Variants in UBXN8 observed in about 807,000 individuals in gnomAD.
UBXN8 encodes the protein UBX domain protein 8.
In UBXN8, 27 loss-of-function variants were observed where a neutral mutation model predicts 32.1. The ratio of observed to expected loss-of-function variants is 0.84; its 90% CI spans 0.62 to 1.16. The LOEUF (loss-of-function observed/expected upper bound fraction) is 1.16. Among genes scored for constraint, UBXN8 ranks in the 50% most tolerant of loss-of-function variants. The pLI is 0.00. For missense variants in UBXN8, 306 were observed against 311.4 expected, an observed-to-expected ratio of 0.98 and a Z score of 0.13; for synonymous variants, 109 against 111.8, an observed-to-expected ratio of 0.98 and a Z score of 0.16.
chr8:30,754,897 A>C, intron 4 of UBXN8, 110 bp downstream of exon 4: 1 of 1,330,474 alleles, frequency 7.5e-7, no homozygotes, highest in Non-Finnish European at 9.9e-7. Flanking sequence ...GTTTTTATTG[A>C]TAATGATTAT....
chr8:30,759,204 A>C (rs181659038), intron 5 of UBXN8, among the ~76,000 whole-genome samples: 1,578 of 148,780 alleles, frequency 0.011, 22 homozygotes, highest in Admixed American at 0.022. Context: ...CAAATGTCTT[A>C]ATGAAAGAAA....
chr8:30,740,277 ATTTCATTGTG>A, upstream of UBXN8, among the ~76,000 whole-genome samples: 1 of 150,876 alleles, frequency 6.6e-6, no homozygotes, highest in Admixed American at 6.7e-5. Context: ...TGATGTGTCC[ATTTCATTGTG>A]TTTAATGATA....
intron 7 of UBXN8, among the ~76,000 whole-genome samples, chr8:30,764,907 G>A (rs954619381): frequency 1.3e-5 from 2 of 151,886 alleles, no homozygotes; most frequent in Admixed American, 6.6e-5. Flanking sequence ...AAAATTAGCC[G>A]GACGTGGTGG....
chr8:30,739,341 A>G (rs10105009), upstream of UBXN8, among the ~76,000 whole-genome samples: 10,358 of 146,620 alleles, frequency 0.071, 1,175 homozygotes, highest in African/African-American at 0.22. Context: ...TCAGGAGATC[A>G]AGACCATCCT....
chr8:30,732,885 A>G (rs1804998059), exon 1 of UBXN8: 1 of 152,252 alleles, frequency 6.6e-6, no homozygotes. Context: ...CCGGAACATA[A>G]AGGCCCCCCA....
At chr8:30,752,082 G>A (rs1805535496) in intron 2 of UBXN8, among the ~76,000 whole-genome samples, 1 of 151,986 alleles carries the variant, frequency 6.6e-6, no homozygotes, top group Non-Finnish European at 1.5e-5. Context: ...TGTAGAGACA[G>A]GGTTTCACCA....
chr8:30,753,280 G>A (rs1805563018), intron 3 of UBXN8, among the ~76,000 whole-genome samples, 175 bp downstream of exon 3: 1 of 152,006 alleles, frequency 6.6e-6, no homozygotes, highest in African/African-American at 2.4e-5. Context: ...TTTTTGAAAT[G>A]GAGTCTCGCT....
intron 1 of UBXN8, among the ~76,000 whole-genome samples, chr8:30,749,392 C>CAAAAAA (rs762244650): frequency 3.2e-4 from 24 of 74,654 alleles, no homozygotes; most frequent in East Asian, 1.6e-3. Flanking sequence ...GGCTCCGTCT[C>CAAAAAA]AAAAAAAAAA....
chr8:30,746,625 C>T lies in UBXN8; in HGVS notation c.88+2348C>T, dbSNP rs112498078. Among the ~76,000 whole-genome samples the T allele has an allele frequency of 1.5e-5, 2 of 136,680 alleles. 1 individual carries two copies. Among genetic ancestry groups the T allele is most frequent in the African/African-American group, 5.8e-5 (2 of 34,584 alleles). 89.7% of individuals were successfully genotyped at this position (136,680 alleles called of 152,430 possible). A position where few individuals can be genotyped will look rare whatever the true frequency, so the allele number is the denominator to read the frequency against. Reference sequence around the variant, plus strand: ...GCAACTTCCGCCTTCTGGGTTCCAGCGATTCTCCTGCCTTAGCCTCCTGAG... The same window carrying T: ...GCAACTTCCGCCTTCTGGGTTCCAGTGATTCTCCTGCCTTAGCCTCCTGAG... On this transcript the variant is annotated intron_variant, in intron 1 of 7. Coordinates refer to ENST00000265616, the MANE Select transcript of UBXN8 (RefSeq NM_005671.4).
rs555894833 is a variant in UBXN8 at position 30,756,230 on chromosome 8, T to C, written c.406-535T>C. On this transcript the variant is annotated intron_variant, in intron 4 of 7. Transcript: ENST00000265616. ...ATCTCAGCTTACTGCAACCTCCGCCTCCTAGGCTCAAGTGATTTTCCTGCC... is the reference window on the plus strand; with the variant it reads ...ATCTCAGCTTACTGCAACCTCCGCCCCCTAGGCTCAAGTGATTTTCCTGCC... The C allele has an allele frequency of 2.5e-3, 382 of 154,296 alleles. 2 individuals are homozygous for C. Among genetic ancestry groups the C allele is most frequent in the African/African-American group, 8.7e-3 (362 of 41,560 alleles). 9.6% of individuals were successfully genotyped at this position (154,296 alleles called of 1,614,324 possible). A position where few individuals can be genotyped will look rare whatever the true frequency, so the allele number is the denominator to read the frequency against.
chr8:30,755,080 C>T (rs1366964296), intron 4 of UBXN8, among the ~76,000 whole-genome samples: 3 of 151,568 alleles, frequency 2.0e-5, no homozygotes, highest in East Asian at 3.9e-4. Context: ...CTCAGCCTCC[C>T]GAGTAGCTGG....
chr8:30,744,770 G>T (rs1295633981), intron 1 of UBXN8, among the ~76,000 whole-genome samples: 1 of 152,212 alleles, frequency 6.6e-6, no homozygotes, highest in African/African-American at 2.4e-5. Flanking sequence ...CCCGTGAAAA[G>T]CCAGTGGGGG....
chr8:30,754,529 CA>C, intron 3 of UBXN8, 135 bp from the exon 4 acceptor site: 1 of 1,224,934 alleles, frequency 8.2e-7, no homozygotes, highest in Non-Finnish European at 1.1e-6. Context: ...CACAACCAAG[CA>C]GCCAAACAGG....
upstream of UBXN8, among the ~76,000 whole-genome samples, chr8:30,731,725 GAAGTT>G (rs1804962182): frequency 6.6e-6 from 1 of 152,196 alleles, no homozygotes; most frequent in East Asian, 1.9e-4. Context: ...CGTACTTATA[GAAGTT>G]AAGCCCGGGG....
intron 1 of UBXN8, among the ~76,000 whole-genome samples, chr8:30,734,867 C>T (rs1191674513): frequency 1.3e-5 from 2 of 152,080 alleles, no homozygotes; most frequent in Non-Finnish European, 2.9e-5. Flanking sequence ...CACTTGAGCC[C>T]GGGGCGTTGA....
chr8:30,758,901 T>G (rs79586393), intron 5 of UBXN8, among the ~76,000 whole-genome samples: 3,064 of 129,996 alleles, frequency 0.024, 230 homozygotes, highest in African/African-American at 0.088. Flanking sequence ...TTTGTTTTTT[T>G]TTTTTTTTTT....
chr8:30,748,527 T>C (rs1181813851), intron 1 of UBXN8, among the ~76,000 whole-genome samples: 1 of 151,944 alleles, frequency 6.6e-6, no homozygotes, highest in Admixed American at 6.6e-5. Context: ...AATAAAACAT[T>C]TAAGTCTATA....
intron 1 of UBXN8, among the ~76,000 whole-genome samples, chr8:30,747,307 G>GT (rs59568820): frequency 0.8 from 65,472 of 81,754 alleles, 28,724 homozygotes; most frequent in East Asian, 0.95. Flanking sequence ...CCTCAGTGGT[G>GT]TTTTTTTTTT....
In UBXN8 at chr8:30,752,825, T is replaced by C. The variant is rs142147526; in HGVS notation, c.212-210T>C. ...TAAAAGGAAAGTGACCAGTATTTAA[T>C]GTATAGCCCTTTCAAATTAACTGTG... On this transcript the variant is annotated intron_variant, in intron 2 of 7. Transcript: ENST00000265616. Among the ~76,000 whole-genome samples the C allele has an allele frequency of 3.6e-3, 554 of 152,358 alleles. 5 individuals carry two copies. Among genetic ancestry groups the C allele is most frequent in the African/African-American group, 0.013 (525 of 41,594 alleles).
Sources: gnomAD v4.1 joint callset for allele counts (sites outside exome capture counted in the v4.1 genomes callset) on GRCh38, gnomAD v4.1.1 for gene constraint, MANE v1.5 for transcripts, NCBI Gene and HGNC (gene_info 2026-07-23, HGNC 2026-07-21) for gene names.